The following DUSP19 variants were observed in gnomAD, a reference collection of about 807,000 sequenced individuals.
The protein encoded by DUSP19 is dual specificity phosphatase 19.
Under a neutral mutation model 16.6 loss-of-function variants are expected in DUSP19, and 14 were observed. That is an observed-to-expected ratio of 0.84 (90% CI 0.56 to 1.32). The LOEUF is 1.32. Ranked by LOEUF, DUSP19 falls within the 40% of genes most tolerant of loss-of-function variation. DUSP19 has a pLI of 0.00. For synonymous variants in DUSP19, 81 were observed against 90.5 expected (o/e 0.90, Z 0.59); for missense variants, 258 against 255.9 (o/e 1.01, Z -0.06).
rs138141432 is a variant in DUSP19 at position 183,087,088 on chromosome 2, A to G, written c.322A>G (p.Ser108Gly). 1.4e-3 allele frequency: 2,323 copies of G among 1,613,080 alleles called. 6 individuals are homozygous for G. The highest frequency in any genetic ancestry group is 1.8e-3 in the Admixed American group (110 of 59,986). ...VAYGVENAFL[S>G]DFTYKSISIL... ...ATATGGAGTTGAAAATGCTTTCCTCAGTGACTTTACATATAAGAGCATTTC... is the reference window on the plus strand; with the variant it reads ...ATATGGAGTTGAAAATGCTTTCCTCGGTGACTTTACATATAAGAGCATTTC... The change falls in exon 3 of 4, where the codon AGT becomes GGT. Residue 108 changes from serine to glycine, a missense_variant. By Grantham distance (56) the Ser-to-Gly change is moderately conservative (BLOSUM62 0). Transcript: ENST00000354221.
At chr2:183,089,053 G>A (rs1699699466) in intron 3 of DUSP19, among the ~76,000 whole-genome samples, 1 of 152,194 alleles carries the variant, frequency 6.6e-6, no homozygotes, top group Non-Finnish European at 1.5e-5. Context: ...AATAAAGTTT[G>A]CCTTAATTTG....
chr2:183,084,354 G>A (rs1425396459), intron 2 of DUSP19, among the ~76,000 whole-genome samples: 2 of 151,882 alleles, frequency 1.3e-5, no homozygotes, highest in Non-Finnish European at 2.9e-5. Context: ...TTGACCCCAG[G>A]AGTTCGAGGT....
In DUSP19 at chr2:183,086,651, GAAAAAAAAAAAA is replaced by G. The variant is rs71008262; in HGVS notation, c.274-378_274-367del. ...AGTGAGACCCGCCCCCCTCTTCTCT[GAAAAAAAAAAAA>G]AAAAAAAAAATTAGCTGGGTGTGGT... On this transcript the variant is annotated intron_variant, in intron 2 of 3. Transcript: ENST00000354221. Among the ~76,000 whole-genome samples the G allele has an allele frequency of 3.1e-5, 3 of 95,710 alleles. No homozygotes were observed. In the Admixed American group the frequency reaches 3.8e-4, roughly 12 times the overall value. The allele number at this position is 95,710 out of a possible 152,430, so 62.8% of individuals were successfully genotyped here.
rs1699553677 is a variant in DUSP19 at position 183,078,911 on chromosome 2, T to C, written c.-23T>C. The stretch of plus-strand genomic sequence containing the variant: ...TATGCCTGCTGGATTTGTTTGTATT[T>C]GTTCCCAGCCACTGCTCATGTAATG... On this transcript the variant is annotated 5_prime_UTR_variant, in exon 1 of 4. Coordinates refer to ENST00000354221, the MANE Select transcript of DUSP19 (RefSeq NM_080876.4). 1 of 1,608,710 alleles carries C rather than the reference T, an allele frequency of 6.2e-7. No homozygotes were observed. The highest frequency in any genetic ancestry group is 1.1e-5 in the South Asian group (1 of 90,706).
rs972667296 is a variant in DUSP19 at position 183,082,803 on chromosome 2, C to A, written c.227-705C>A. On this transcript the variant is annotated intron_variant, in intron 1 of 3. Transcript: ENST00000354221. ...CTCTCTCTCTCCCTCTCTTTCCCTT[C>A]CCTTTTGTTCGTTCGTTCGTTCGTT... is the stretch of plus-strand genomic sequence containing the variant. 9.2e-5 allele frequency among the ~76,000 whole-genome samples: 14 copies of A among 151,942 alleles called. 1 individual carries two copies. In the South Asian group the frequency reaches 2.9e-3, roughly 32 times the overall value.
chr2:183,097,578 T>C lies in DUSP19; in HGVS notation c.*1920T>C, dbSNP rs1699819843. The C allele has an allele frequency of 6.6e-6, 1 of 152,202 alleles. No individual in the cohort carries two copies. The highest frequency in any genetic ancestry group is 1.5e-5 in the Non-Finnish European group (1 of 68,028). 9.4% of individuals were successfully genotyped at this position (152,202 alleles called of 1,614,324 possible). On this transcript the variant is annotated 3_prime_UTR_variant, in exon 4 of 4. Coordinates refer to ENST00000354221, the MANE Select transcript of DUSP19 (RefSeq NM_080876.4). Reference sequence around the variant, plus strand: ...CGTGACAAGATGCCATCACTTGTGATGTTATGAACTGTTATAAACTCTTTG... The same window carrying C: ...CGTGACAAGATGCCATCACTTGTGACGTTATGAACTGTTATAAACTCTTTG...
intron 2 of DUSP19, among the ~76,000 whole-genome samples, chr2:183,085,493 G>T (rs1337405416): frequency 6.6e-6 from 1 of 152,110 alleles, no homozygotes; most frequent in African/African-American, 2.4e-5. Flanking sequence ...GTGACAGAGA[G>T]GTTGTTAGTG....
intron 1 of DUSP19, among the ~76,000 whole-genome samples, chr2:183,079,410 T>G (rs1699563630): frequency 6.6e-6 from 1 of 152,270 alleles, no homozygotes; most frequent in South Asian, 2.1e-4. Flanking sequence ...AAAGCTTTCT[T>G]CCCGTTTCTC....
intron 3 of DUSP19, among the ~76,000 whole-genome samples, chr2:183,090,064 A>G (rs1209842490): frequency 6.6e-6 from 1 of 152,214 alleles, no homozygotes; most frequent in East Asian, 1.9e-4. Context: ...ATGAGCCACC[A>G]TGCCTGGAAG....
At chr2:183,082,018 T>C (rs1331668848) in intron 1 of DUSP19, among the ~76,000 whole-genome samples, 1 of 152,206 alleles carries the variant, frequency 6.6e-6, no homozygotes. Context: ...CTAGAGCCAG[T>C]TTCCAAGTGT....
chr2:183,093,415 G>T (rs17704684), intron 3 of DUSP19, among the ~76,000 whole-genome samples: 1 of 152,100 alleles, frequency 6.6e-6, no homozygotes, highest in African/African-American at 2.4e-5. Flanking sequence ...GAAAGAGGCA[G>T]TCTTAGAACA....
At position 183,079,006 on chromosome 2, in the gene DUSP19, A is replaced by G. The variant is rs1313059856; in HGVS notation, c.73A>G (p.Thr25Ala). Residue 25 changes from threonine to alanine, a missense_variant, in exon 1 of 4, where the codon ACG becomes GCG. Thr to Ala is a moderately conservative substitution (Grantham distance 58, BLOSUM62 0). Transcript: ENST00000354221. Reference sequence around the variant, plus strand: ...CAGGAAGCAATGCACCAGGGTGACAACGCTAACTGGAAAGAAAATTATAGA... The same window carrying G: ...CAGGAAGCAATGCACCAGGGTGACAGCGCTAACTGGAAAGAAAATTATAGA... ...NLRKQCTRVT[T>A]LTGKKIIETW... The G allele has an allele frequency of 3.7e-6, 6 of 1,614,084 alleles. No homozygotes were observed. Among genetic ancestry groups the G allele is most frequent in the East Asian group, 2.2e-5 (1 of 44,898 alleles).
Position 183,082,026 on chromosome 2 carries a change from T to C in DUSP19, c.227-1482T>C, listed in dbSNP as rs529782943. Among the ~76,000 whole-genome samples the C allele has an allele frequency of 2.6e-5, 4 of 152,264 alleles. No homozygotes were observed. In the South Asian group the frequency reaches 6.2e-4, roughly 24 times the overall value. On this transcript the variant is annotated intron_variant, in intron 1 of 3. Coordinates refer to ENST00000354221, the MANE Select transcript of DUSP19 (RefSeq NM_080876.4). ...TTATTAACTAGAGCCAGTTTCCAAG[T>C]GTGGGAGATCTGGGAAGCCGGCTGT...
At chr2:183,079,939 GAGA>G (rs1287254057) in intron 1 of DUSP19, among the ~76,000 whole-genome samples, 8 of 152,236 alleles carry the variant, frequency 5.3e-5, no homozygotes, top group African/African-American at 1.4e-4. Context: ...CTTGAATAGA[GAGA>G]AGACTGAGAA....
At chr2:183,095,309 CAA>C in intron 3 of DUSP19, 120 bp from the exon 4 acceptor site, 1 of 798,304 alleles carries the variant, frequency 1.3e-6, no homozygotes, top group Non-Finnish European at 1.9e-6. Flanking sequence ...TAAATTGAAT[CAA>C]ATAAATCAAT....
intron 2 of DUSP19, among the ~76,000 whole-genome samples, chr2:183,086,461 A>T (rs923670513): frequency 2.0e-5 from 3 of 152,026 alleles, no homozygotes; most frequent in Admixed American, 2.0e-4. Flanking sequence ...GCAGTGAAAG[A>T]GAAAAACAAT....
At chr2:183,093,042 C>T (rs1049033347) in intron 3 of DUSP19, among the ~76,000 whole-genome samples, 1 of 152,074 alleles carries the variant, frequency 6.6e-6, no homozygotes, top group Non-Finnish European at 1.5e-5. Flanking sequence ...AGGAAAAACA[C>T]CTGGGCCTGG....
intron 3 of DUSP19, among the ~76,000 whole-genome samples, chr2:183,093,362 T>G (rs1313187530): frequency 6.6e-6 from 1 of 152,158 alleles, no homozygotes; most frequent in African/African-American, 2.4e-5. Flanking sequence ...ATACTAGGCA[T>G]ACAAAGATGG....
intron 3 of DUSP19, among the ~76,000 whole-genome samples, chr2:183,090,327 T>C (rs1699716780): frequency 6.6e-6 from 1 of 152,206 alleles, no homozygotes; most frequent in Non-Finnish European, 1.5e-5. Context: ...TGCAAAACTC[T>C]ATTTGGCTTC....
Sources: allele counts gnomAD v4.1 joint callset (sites outside exome capture counted in the v4.1 genomes callset), GRCh38; gene constraint gnomAD v4.1.1; transcripts MANE v1.5; gene names NCBI Gene and HGNC (gene_info 2026-07-23, HGNC 2026-07-21).